Variants in CXADR observed in about 807,000 individuals in gnomAD.
CXADR encodes coxsackievirus and adenovirus receptor.
Under a neutral mutation model 40.3 loss-of-function variants are expected in CXADR, and 20 were observed. The ratio of observed to expected loss-of-function variants is 0.50; its 90% CI spans 0.35 to 0.72. The LOEUF (loss-of-function observed/expected upper bound fraction) is 0.72, where lower values mean the gene tolerates loss of function less well. CXADR is among the 30% of genes least tolerant of loss of function. The pLI is 0.01. For synonymous variants in CXADR, 150 were observed against 161.3 expected (o/e 0.93, Z 0.53); for missense variants, 332 against 449.1 (o/e 0.74, Z 2.36).
chr21:17,530,414 A>G (rs1409462566), intron 1 of CXADR: 1 of 456,012 alleles, frequency 2.2e-6, no homozygotes, highest in Non-Finnish European at 4.4e-6. Flanking sequence ...GCTTTGTTTT[A>G]TTCATTTGCA....
In CXADR at chr21:17,547,080, A is replaced by C. The variant is rs2060906888; in HGVS notation, c.97A>C (p.Lys33Gln). Residue 33 changes from lysine to glutamine, a missense_variant, in exon 2 of 7, where the codon AAA becomes CAA. Coordinates refer to ENST00000284878, the MANE Select transcript of CXADR (RefSeq NM_001338.5). ...TCCTGAAGAGATGATTGAAAAAGCC[A>C]AAGGGGAAACTGCCTATCTGCCATG... Reference protein sequence around the residue: ...TTPEEMIEKAKGETAYLPCKF... With the variant: ...TTPEEMIEKAQGETAYLPCKF... The C allele has an allele frequency of 1.2e-6, 2 of 1,613,684 alleles. No homozygotes were observed. Among genetic ancestry groups the C allele is most frequent in the Non-Finnish European group, 1.7e-6 (2 of 1,179,936 alleles).
At chr21:17,556,568 A>T (rs187839519) in intron 3 of CXADR, among the ~76,000 whole-genome samples, 1 of 152,302 alleles carries the variant, frequency 6.6e-6, no homozygotes, top group Non-Finnish European at 1.5e-5. Context: ...TTTGCTGGTA[A>T]TTTATTCTAA....
chr21:17,515,820 A>C (rs1403809199), intron 1 of CXADR, among the ~76,000 whole-genome samples: 2 of 151,474 alleles, frequency 1.3e-5, no homozygotes, highest in Non-Finnish European at 2.9e-5. Flanking sequence ...ACAAATAAAC[A>C]AAAAAAAAGG....
chr21:17,541,280 C>T (rs757099103), intron 1 of CXADR, among the ~76,000 whole-genome samples: 3 of 152,074 alleles, frequency 2.0e-5, no homozygotes, highest in Non-Finnish European at 4.4e-5. Flanking sequence ...CGGCTGGGCG[C>T]GGTGGCTCAC....
downstream of CXADR, among the ~76,000 whole-genome samples, chr21:17,571,801 C>A (rs556064450): frequency 6.6e-6 from 1 of 152,294 alleles, no homozygotes; most frequent in East Asian, 1.9e-4. Context: ...ATTTGGGATA[C>A]TTCTGTGCCC....
chr21:17,588,690 G>A (rs1890427903), intron 7 of CXADR, among the ~76,000 whole-genome samples: 1 of 152,032 alleles, frequency 6.6e-6, no homozygotes, highest in Admixed American at 6.6e-5. Flanking sequence ...TTATTCCTAT[G>A]TTATACTTCA....
chr21:17,547,844 T>G (rs1284278207), intron 2 of CXADR, among the ~76,000 whole-genome samples: 1 of 152,190 alleles, frequency 6.6e-6, no homozygotes, highest in African/African-American at 2.4e-5. Context: ...ATATTTAGTC[T>G]TAAATTTAAA....
intron 1 of CXADR, among the ~76,000 whole-genome samples, chr21:17,545,453 G>A (rs1234948640): frequency 1.3e-5 from 2 of 152,082 alleles, no homozygotes; most frequent in Non-Finnish European, 2.9e-5. Flanking sequence ...TTGAGACAGA[G>A]TCTTGCTTTG....
Position 17,519,915 on chromosome 21 carries a change from C to T in CXADR, c.43+6743C>T, listed in dbSNP as rs555278042. Among the ~76,000 whole-genome samples, 5 of 151,948 alleles carry T rather than the reference C, an allele frequency of 3.3e-5. No individual in the cohort carries two copies. The East Asian group carries it at 5.8e-4, about 18-fold the overall frequency. ...CTGAGGTTTCAGTGAGCTGAGATCGCGCCACTGCACTCCAGCCTGGGTGAC... is the reference window on the plus strand; with the variant it reads ...CTGAGGTTTCAGTGAGCTGAGATCGTGCCACTGCACTCCAGCCTGGGTGAC... On this transcript the variant is annotated intron_variant, in intron 1 of 6. Coordinates refer to ENST00000284878, the MANE Select transcript of CXADR (RefSeq NM_001338.5).
chr21:17,531,047 C>T (rs1485439021), intron 1 of CXADR, among the ~76,000 whole-genome samples: 1 of 152,044 alleles, frequency 6.6e-6, no homozygotes, highest in African/African-American at 2.4e-5. Flanking sequence ...CGCCTGTAAT[C>T]CCAGCACTTT....
At chr21:17,606,171 C>T in the CXADR span, among the ~76,000 whole-genome samples, 2 of 152,110 alleles carry the variant, frequency 1.3e-5, no homozygotes, top group African/African-American at 4.8e-5. Flanking sequence ...TGTATTAACT[C>T]TTAATTCTCA....
chr21:17,566,161 T>A lies in CXADR; in HGVS notation c.*469T>A, dbSNP rs1385771847. 1 of 984,846 alleles carries A rather than the reference T, an allele frequency of 1.0e-6. No homozygotes were observed. The highest frequency in any genetic ancestry group is 1.7e-5 in the African/African-American group (1 of 57,228). The allele number at this position is 984,846 out of a possible 1,614,324, so 61.0% of individuals were successfully genotyped here. A position where few individuals can be genotyped will look rare whatever the true frequency, so the allele number is the denominator to read the frequency against. On this transcript the variant is annotated 3_prime_UTR_variant, in exon 7 of 7. Transcript: ENST00000284878. ...AGTACAGAAATATCCATGACAAAAT[T>A]ACTTACGTATGTTTGTACTTGGTTT...
the CXADR span, among the ~76,000 whole-genome samples, chr21:17,621,062 A>G: frequency 1.3e-5 from 2 of 152,232 alleles, no homozygotes; most frequent in Admixed American, 6.5e-5. Context: ...ATCCACCCAC[A>G]TTATTCAGGA....
At chr21:17,593,068 T>C (rs572929330) in intron 7 of CXADR, 30 of 1,139,786 alleles carry the variant, frequency 2.6e-5, no homozygotes, top group Non-Finnish European at 3.4e-5. Flanking sequence ...ATGGAAAAAG[T>C]ATTGCTGATC....
At chr21:17,632,062 C>T in the CXADR span, among the ~76,000 whole-genome samples, 2 of 152,130 alleles carry the variant, frequency 1.3e-5, no homozygotes, top group Non-Finnish European at 2.9e-5. Context: ...CCACCAGCTT[C>T]GGCCTGCCAA....
At chr21:17,635,262 A>G in the CXADR span, among the ~76,000 whole-genome samples, 7 of 152,212 alleles carry the variant, frequency 4.6e-5, no homozygotes, top group Admixed American at 1.3e-4. Flanking sequence ...GCAGGTTCCC[A>G]GTTCAGTACA....
At chr21:17,530,093 C>T (rs1450239817) in intron 1 of CXADR, among the ~76,000 whole-genome samples, 6 of 148,208 alleles carry the variant, frequency 4.0e-5, no homozygotes, top group African/African-American at 1.2e-4. Flanking sequence ...GGACTACAGG[C>T]GCATGCCACC....
chr21:17,589,861 C>T (rs1286022191), intron 7 of CXADR, among the ~76,000 whole-genome samples: 1 of 152,052 alleles, frequency 6.6e-6, no homozygotes, highest in Non-Finnish European at 1.5e-5. Context: ...CTTTAAGCCT[C>T]TAGTAACACT....
chr21:17,561,550 T>C lies in CXADR; in HGVS notation c.833+74T>C, dbSNP rs1313351724. The C allele has an allele frequency of 8.5e-6, 11 of 1,297,836 alleles. No individual in the cohort carries two copies. The Admixed American group carries it at 9.5e-5, about 11-fold the overall frequency. 80.4% of individuals were successfully genotyped at this position (1,297,836 alleles called of 1,614,324 possible). On this transcript the variant is annotated intron_variant, in intron 6 of 6. Coordinates refer to ENST00000284878, the MANE Select transcript of CXADR (RefSeq NM_001338.5). ...TTTCTCTAAAGCATTCGTTCTCTTA[T>C]TAACCACCCAAAGCATCTTTCTTAG...
Sources: gnomAD v4.1 joint callset for allele counts (sites outside exome capture counted in the v4.1 genomes callset) on GRCh38, gnomAD v4.1.1 for gene constraint, MANE v1.5 for transcripts, NCBI Gene and HGNC (gene_info 2026-07-23, HGNC 2026-07-21) for gene names.